The following TMEM223 variants were observed in gnomAD, a reference collection of about 807,000 sequenced individuals.
TMEM223 encodes transmembrane protein 223.
A neutral mutation model predicts 14.1 loss-of-function variants in TMEM223; 14 were observed. The ratio of observed to expected loss-of-function variants is 0.99; its 90% CI spans 0.66 to 1.55. The LOEUF (loss-of-function observed/expected upper bound fraction) is 1.55. Ranked by LOEUF, TMEM223 falls within the 40% of genes most tolerant of loss-of-function variation. TMEM223 has a pLI of 0.00. For missense variants in TMEM223, 346 were observed against 269.9 expected, an observed-to-expected ratio of 1.28 and a Z score of -1.97; for synonymous variants, 145 against 120.5, an observed-to-expected ratio of 1.20 and a Z score of -1.33.
intron 1 of TMEM223, chr11:62,778,422 G>A (rs539115165): frequency 6.6e-5 from 98 of 1,484,940 alleles, no homozygotes; most frequent in Non-Finnish European, 8.6e-5. Flanking sequence ...CCGAGTCTGC[G>A]TCTAACATGT....
chr11:62,791,092 G>T (rs1190650366), intron 1 of TMEM223, among the ~76,000 whole-genome samples, 177 bp from the exon 2 acceptor site: 3 of 152,018 alleles, frequency 2.0e-5, no homozygotes, highest in Non-Finnish European at 4.4e-5. Context: ...CTGAGCTCCT[G>T]TTATACCCAG....
intron 1 of TMEM223, 90 bp downstream of exon 1, chr11:62,791,589 T>C (rs983950147): frequency 2.2e-6 from 3 of 1,378,678 alleles, no homozygotes; most frequent in African/African-American, 1.5e-5. Context: ...CACTCTCGGA[T>C]AGGGAGTCCC....
At chr11:62,787,780 G>A, downstream of TMEM223, 1 of 682,862 alleles carries the variant, frequency 1.5e-6, no homozygotes, top group Non-Finnish European at 2.7e-6. Context: ...ACTAGGTGGA[G>A]TCGGGTTTCG....
downstream of TMEM223, chr11:62,787,221 G>A (rs367927002): frequency 2.7e-5 from 43 of 1,582,730 alleles, no homozygotes; most frequent in Non-Finnish European, 3.6e-5. Flanking sequence ...TGCAGAAACT[G>A]CCCATGATCG....
chr11:62,778,115 G>C (rs2084200723), intron 1 of TMEM223: 1 of 1,614,098 alleles, frequency 6.2e-7, no homozygotes, highest in Non-Finnish European at 8.5e-7. Flanking sequence ...GCTGTGCTGA[G>C]ACAGCTGTCA....
At chr11:62,776,870 C>T (rs964894189) in intron 1 of TMEM223, among the ~76,000 whole-genome samples, 2 of 149,632 alleles carry the variant, frequency 1.3e-5, no homozygotes, top group African/African-American at 2.5e-5. Flanking sequence ...AAAAAAAGGC[C>T]GGGCACAGGA....
At chr11:62,786,467 G>A (rs955812235), downstream of TMEM223, 1 of 1,587,288 alleles carries the variant, frequency 6.3e-7, no homozygotes, top group East Asian at 2.3e-5. Context: ...ATATTTGATG[G>A]GCCCAGGTTC....
At chr11:62,787,932 CAT>C (rs1158348483), downstream of TMEM223, 12 of 496,274 alleles carry the variant, frequency 2.4e-5, no homozygotes, top group Admixed American at 2.8e-4. Flanking sequence ...CAAGCTGCCA[CAT>C]GATTGTAGCA....
rs912732432 is a variant in TMEM223, at chr11:62,790,297, G to C, written c.*326C>G. 1.8e-6 allele frequency: 1 copy of C among 551,282 alleles called. No individual in the cohort carries two copies. Among genetic ancestry groups the C allele is most frequent in the Admixed American group, 3.7e-5 (1 of 27,310 alleles). 34.1% of individuals were successfully genotyped at this position (551,282 alleles called of 1,614,324 possible). ...CAACTAGATAGGAGGAAGGAGTGAA[G>C]GCTAAGCAGACATGGACTGAAACTT... On this transcript the variant is annotated 3_prime_UTR_variant, in exon 2 of 2. Transcript: ENST00000307366.
At chr11:62,782,672 A>T (rs770317357), downstream of TMEM223, 4 of 1,609,678 alleles carry the variant, frequency 2.5e-6, no homozygotes, top group Non-Finnish European at 3.4e-6. Context: ...TCCCCTCCCT[A>T]ACTGAATGGT....
downstream of TMEM223, among the ~76,000 whole-genome samples, chr11:62,788,326 C>T (rs1486997520): frequency 6.6e-6 from 1 of 152,058 alleles, no homozygotes; most frequent in Non-Finnish European, 1.5e-5. Context: ...TCGCTTGAAC[C>T]TGGGAGGCGG....
downstream of TMEM223, chr11:62,787,199 C>T (rs370253707): frequency 1.2e-4 from 183 of 1,588,444 alleles, no homozygotes; most frequent in Non-Finnish European, 1.5e-4. Flanking sequence ...CCTAGCCCGG[C>T]CTCGCGCTAC....
chr11:62,781,258 G>GAA (rs1351990742), intron 1 of TMEM223, among the ~76,000 whole-genome samples: 1 of 138,770 alleles, frequency 7.2e-6, no homozygotes, highest in African/African-American at 3.0e-5. Flanking sequence ...AAAAGAAAAA[G>GAA]AAACTGAAAA....
downstream of TMEM223, chr11:62,787,633 G>A (rs552735554): frequency 3.8e-5 from 52 of 1,364,520 alleles, no homozygotes; most frequent in Middle Eastern, 1.9e-3. Context: ...GGAGCCGGTG[G>A]ACCTGGTGAG....
chr11:62,782,439 G>T, intron 1 of TMEM223: 1 of 1,284,922 alleles, frequency 7.8e-7, no homozygotes, highest in East Asian at 2.4e-5. Context: ...TGAGAAGATG[G>T]GGAACCTTTT....
In TMEM223 at chr11:62,791,786, G is replaced by C; in HGVS notation, c.209C>G (p.Pro70Arg). The C allele has an allele frequency of 2.5e-6, 4 of 1,570,388 alleles. No homozygotes were observed. The highest frequency in any genetic ancestry group is 3.5e-6 in the Non-Finnish European group (4 of 1,158,608). Reference protein sequence around the residue: ...ASMAVAAVSRPPVPVQPLDAE... With the variant: ...ASMAVAAVSRRPVPVQPLDAE... ...ATCCAGAGGCTGCACCGGAACCGGG[G>C]GCCGGGACACGGCTGCCACAGCCAT... Residue 70 changes from proline to arginine, a missense_variant, in exon 1 of 2, where the codon CCC (proline) becomes CGC (arginine). By Grantham distance (103) the Pro-to-Arg change is moderately radical (BLOSUM62 -2). Transcript: ENST00000307366.
downstream of TMEM223, chr11:62,782,516 C>G (rs1469219426): frequency 9.4e-7 from 1 of 1,062,406 alleles, no homozygotes; most frequent in Admixed American, 2.6e-5. Context: ...ACAAATACGC[C>G]AAGGTATTGG....
chr11:62,776,117 A>G (rs1226082937), intron 1 of TMEM223, among the ~76,000 whole-genome samples: 1 of 152,226 alleles, frequency 6.6e-6, no homozygotes, highest in African/African-American at 2.4e-5. Context: ...CTTGCCAGGC[A>G]TCTTCCCATG....
intron 1 of TMEM223, among the ~76,000 whole-genome samples, chr11:62,791,410 A>T (rs944961886): frequency 3.3e-5 from 5 of 152,060 alleles, no homozygotes; most frequent in African/African-American, 4.8e-5. Context: ...GGCGCTTGCT[A>T]CCACGCCCAG....
Sources: allele counts gnomAD v4.1 joint callset (sites outside exome capture counted in the v4.1 genomes callset), GRCh38; gene constraint gnomAD v4.1.1; transcripts MANE v1.5; gene names NCBI Gene and HGNC (gene_info 2026-07-23, HGNC 2026-07-21).